The following MACROD2 variants were observed in gnomAD, a reference collection of about 807,000 sequenced individuals.
MACROD2 encodes the protein ADP-ribose glycohydrolase MACROD2.
In MACROD2, 36 loss-of-function variants were observed where a neutral mutation model predicts 70.4. The observed-to-expected ratio is 0.51, with a 90% confidence interval of 0.39 to 0.68. The LOEUF (loss-of-function observed/expected upper bound fraction) is 0.68. Ranked by LOEUF, MACROD2 falls within the 30% of genes least tolerant of loss-of-function variation. The pLI, the probability that MACROD2 is intolerant of heterozygous loss-of-function variation, is 0.00. For missense variants in MACROD2, 496 were observed against 538.4 expected (o/e 0.92, Z 0.78); for synonymous variants, 172 against 178.8 (o/e 0.96, Z 0.30).
chr20:14,070,406 A>G (rs778558802), intron 2 of MACROD2, among the ~76,000 whole-genome samples: 3 of 152,102 alleles, frequency 2.0e-5, no homozygotes, highest in Non-Finnish European at 2.9e-5. Flanking sequence ...GGTTTCAAGA[A>G]ATGATCTCAG....
At chr20:14,924,709 T>C (rs1334428441) in intron 5 of MACROD2, among the ~76,000 whole-genome samples, 1 of 152,098 alleles carries the variant, frequency 6.6e-6, no homozygotes, top group African/African-American at 2.4e-5. Flanking sequence ...GTTGGTGTTG[T>C]CTCTTTATCC....
chr20:15,736,557 A>G (rs200022218), intron 8 of MACROD2, among the ~76,000 whole-genome samples: 1 of 21,198 alleles, frequency 4.7e-5, no homozygotes, highest in Non-Finnish European at 4.6e-4. Context: ...TAATTTGAGT[A>G]GAGGAGATAA....
chr20:14,431,199 A>T (rs1420630789), intron 3 of MACROD2, among the ~76,000 whole-genome samples: 1 of 152,184 alleles, frequency 6.6e-6, no homozygotes, highest in Non-Finnish European at 1.5e-5. Flanking sequence ...AATAGCAATT[A>T]ACATTTGAGT....
chr20:16,010,886 C>T (rs988298440), intron 15 of MACROD2, among the ~76,000 whole-genome samples: 4 of 152,228 alleles, frequency 2.6e-5, no homozygotes, highest in African/African-American at 7.2e-5. Flanking sequence ...CTATTCCAAA[C>T]CAAGACCTTT....
intron 4 of MACROD2, among the ~76,000 whole-genome samples, chr20:14,616,289 G>T (rs192719680): frequency 8.5e-5 from 13 of 152,212 alleles, no homozygotes; most frequent in African/African-American, 3.1e-4. Flanking sequence ...AGTCATCAGT[G>T]TTTTCACTTT....
intron 3 of MACROD2, among the ~76,000 whole-genome samples, chr20:14,309,453 G>A (rs1210819879): frequency 1.3e-5 from 2 of 152,092 alleles, no homozygotes; most frequent in Non-Finnish European, 2.9e-5. Flanking sequence ...GTCCTAAAGT[G>A]CCTTTGTATT....
intron 6 of MACROD2, among the ~76,000 whole-genome samples, chr20:15,278,025 G>A (rs1274686801): frequency 6.6e-6 from 1 of 152,110 alleles, no homozygotes; most frequent in East Asian, 1.9e-4. Context: ...AAAATTCTGG[G>A]AATGGTAACA....
At chr20:15,192,936 G>C (rs1186288564) in intron 5 of MACROD2, among the ~76,000 whole-genome samples, 3 of 152,166 alleles carry the variant, frequency 2.0e-5, no homozygotes, top group Non-Finnish European at 4.4e-5. Context: ...AATTTTTGGT[G>C]TCAAAACACA....
chr20:15,420,978 C>T (rs1406421203), intron 6 of MACROD2, among the ~76,000 whole-genome samples: 4 of 152,078 alleles, frequency 2.6e-5, no homozygotes, highest in African/African-American at 9.7e-5. Context: ...GTCCCAGCTA[C>T]TTGAAAGGCT....
At chr20:15,501,194 A>G (rs1199877706) in intron 8 of MACROD2, among the ~76,000 whole-genome samples, 3 of 152,238 alleles carry the variant, frequency 2.0e-5, no homozygotes, top group African/African-American at 7.2e-5. Context: ...TATCTTCAAT[A>G]TATTGCTTGG....
intron 4 of MACROD2, among the ~76,000 whole-genome samples, chr20:14,663,450 C>G (rs1362554830): frequency 1.3e-5 from 2 of 150,984 alleles, no homozygotes; most frequent in African/African-American, 4.9e-5. Flanking sequence ...ACCTATATAA[C>G]AAACCTGCAC....
rs367971036 is a variant in MACROD2, at chr20:15,417,913, A to G, written c.541-13492A>G. ...AGGTGGCACATAGAACGGTTTTCAC[A>G]CTGTGGATGCTGAAAAAGAATTCTC... On this transcript the variant is annotated intron_variant, in intron 6 of 17. Coordinates refer to ENST00000684519, the MANE Select transcript of MACROD2 (RefSeq NM_001351661.2). Among the ~76,000 whole-genome samples, 5 of 152,304 alleles carry G rather than the reference A, an allele frequency of 3.3e-5. No individual in the cohort carries two copies. In the East Asian group the frequency reaches 9.7e-4, roughly 29 times the overall value.
At chr20:15,381,877 A>G (rs934720468) in intron 6 of MACROD2, among the ~76,000 whole-genome samples, 5 of 152,164 alleles carry the variant, frequency 3.3e-5, no homozygotes, top group African/African-American at 1.2e-4. Context: ...CCAGATGAGT[A>G]AAATGGATGT....
At chr20:15,550,598 G>T (rs2048082479) in intron 8 of MACROD2, among the ~76,000 whole-genome samples, 1 of 152,108 alleles carries the variant, frequency 6.6e-6, no homozygotes, top group African/African-American at 2.4e-5. Context: ...ATCAAGAAGT[G>T]ACACTCTGAC....
At chr20:15,637,352 A>G (rs1028691841) in intron 8 of MACROD2, among the ~76,000 whole-genome samples, 4 of 152,196 alleles carry the variant, frequency 2.6e-5, no homozygotes, top group Non-Finnish European at 4.4e-5. Context: ...CCTATTGGCT[A>G]TGTGGTGATT....
At chr20:15,933,073 CAT>C (rs2065603552) in intron 10 of MACROD2, among the ~76,000 whole-genome samples, 1 of 152,134 alleles carries the variant, frequency 6.6e-6, no homozygotes, top group Non-Finnish European at 1.5e-5. Flanking sequence ...TCTAGCAAAT[CAT>C]GTGAGAAGGG....
At chr20:15,101,548 A>AAAAAAAAAT in intron 5 of MACROD2, among the ~76,000 whole-genome samples, 1 of 150,068 alleles carries the variant, frequency 6.7e-6, no homozygotes, top group South Asian at 2.1e-4. Flanking sequence ...AAAAAAAAAA[A>AAAAAAAAAT]GCATTCTGGA....
rs886920306 is a variant in MACROD2, at chr20:14,440,040, A to G, written c.272-53439A>G. On this transcript the variant is annotated intron_variant, in intron 3 of 17. Coordinates refer to ENST00000684519, the MANE Select transcript of MACROD2 (RefSeq NM_001351661.2). Reference sequence around the variant, plus strand: ...CTCTGAGATCACTGGCAGACTTCCCACACTCAGAGATTTGAACCTTATTCT... The same window carrying G: ...CTCTGAGATCACTGGCAGACTTCCCGCACTCAGAGATTTGAACCTTATTCT... 3.3e-5 allele frequency among the ~76,000 whole-genome samples: 5 copies of G among 152,148 alleles called. No homozygotes were observed. The East Asian group carries it at 5.8e-4, about 18-fold the overall frequency.
intron 15 of MACROD2, among the ~76,000 whole-genome samples, chr20:16,038,933 T>A (rs2067271431): frequency 6.6e-6 from 1 of 151,932 alleles, no homozygotes; most frequent in African/African-American, 2.4e-5. Context: ...AAAGAGATGG[T>A]CTATTTCAAG....
Sources: gnomAD v4.1 joint callset for allele counts (sites outside exome capture counted in the v4.1 genomes callset) on GRCh38, gnomAD v4.1.1 for gene constraint, MANE v1.5 for transcripts, NCBI Gene and HGNC (gene_info 2026-07-23, HGNC 2026-07-21) for gene names.